The following VAV3 variants were observed in gnomAD, a reference collection of about 807,000 sequenced individuals.
VAV3 encodes guanine nucleotide exchange factor VAV3.
Under a neutral mutation model 131.2 loss-of-function variants are expected in VAV3, and 94 were observed. That is an observed-to-expected ratio of 0.72 (90% CI 0.61 to 0.85). The LOEUF (loss-of-function observed/expected upper bound fraction) is 0.85, where lower values mean the gene tolerates loss of function less well. Among genes scored for constraint, VAV3 ranks in the 40% least tolerant of loss-of-function variants. VAV3 has a pLI of 0.00. For synonymous variants in VAV3, 349 were observed against 342.0 expected (o/e 1.02, Z -0.22); for missense variants, 939 against 1,002.7 (o/e 0.94, Z 0.86).
chr1:107,638,333 A>G (rs1655083701), intron 20 of VAV3, among the ~76,000 whole-genome samples: 1 of 152,214 alleles, frequency 6.6e-6, no homozygotes, highest in Non-Finnish European at 1.5e-5. Flanking sequence ...ACTGAATTTA[A>G]TAAGAGTTAA....
At chr1:107,678,130 T>A (rs1658345966) in intron 19 of VAV3, 1 of 152,204 alleles carries the variant, frequency 6.6e-6, no homozygotes, top group Non-Finnish European at 1.5e-5. Context: ...AAGTCGGCTA[T>A]TTTAAAAACC....
intron 15 of VAV3, among the ~76,000 whole-genome samples, chr1:107,713,379 TA>T (rs1042703991): frequency 4.0e-4 from 61 of 151,480 alleles, no homozygotes; most frequent in Non-Finnish European, 4.9e-4. Flanking sequence ...AAAAAACACA[TA>T]AAAAATTAGA....
chr1:107,611,607 AACAAAC>A (rs1557702301), intron 21 of VAV3, among the ~76,000 whole-genome samples: 1 of 143,448 alleles, frequency 7.0e-6, no homozygotes, highest in African/African-American at 2.5e-5. Flanking sequence ...AAAAAAAAAA[AACAAAC>A]AAACAAACAA....
chr1:107,928,361 C>T (rs1045250662), intron 1 of VAV3, among the ~76,000 whole-genome samples: 3 of 152,190 alleles, frequency 2.0e-5, no homozygotes, highest in African/African-American at 7.2e-5. Flanking sequence ...AGACAAACAT[C>T]CACAAGCACC....
intron 2 of VAV3, among the ~76,000 whole-genome samples, chr1:107,814,950 C>T (rs1453733493): frequency 6.6e-6 from 1 of 152,100 alleles, no homozygotes; most frequent in African/African-American, 2.4e-5. Flanking sequence ...GATTTATAAG[C>T]ATCAATAGAA....
intron 20 of VAV3, among the ~76,000 whole-genome samples, chr1:107,631,361 G>A (rs1158890011): frequency 6.6e-6 from 1 of 151,970 alleles, no homozygotes; most frequent in Non-Finnish European, 1.5e-5. Flanking sequence ...TCCCTACACA[G>A]TACATTTGTA....
chr1:107,655,342 G>T (rs531972408), intron 19 of VAV3, among the ~76,000 whole-genome samples: 1 of 152,154 alleles, frequency 6.6e-6, no homozygotes, highest in South Asian at 2.1e-4. Context: ...AGTCATTTTT[G>T]ATAAAGGCGC....
intron 20 of VAV3, among the ~76,000 whole-genome samples, chr1:107,640,938 A>T (rs537488014): frequency 2.6e-5 from 4 of 152,202 alleles, no homozygotes; most frequent in Non-Finnish European, 5.9e-5. Flanking sequence ...AGGAGTCAAA[A>T]GCCAGCTGAT....
chr1:107,697,240 C>T (rs1205154254), intron 17 of VAV3, among the ~76,000 whole-genome samples: 1 of 152,020 alleles, frequency 6.6e-6, no homozygotes, highest in Admixed American at 6.5e-5. Context: ...ATAAGGGCTA[C>T]CCAGCAAACC....
chr1:107,938,798 G>A (rs1208096973), intron 1 of VAV3, among the ~76,000 whole-genome samples: 1 of 152,148 alleles, frequency 6.6e-6, no homozygotes, highest in Non-Finnish European at 1.5e-5. Context: ...AAGGAATTTT[G>A]GCCTAAAGAT....
chr1:107,586,956 A>G (rs1321144928), intron 25 of VAV3, among the ~76,000 whole-genome samples: 1 of 152,150 alleles, frequency 6.6e-6, no homozygotes, highest in Non-Finnish European at 1.5e-5. Flanking sequence ...TATTGAACAT[A>G]AAGTCCCTTG....
At chr1:107,930,191 T>C (rs1012530414) in intron 1 of VAV3, among the ~76,000 whole-genome samples, 1 of 152,174 alleles carries the variant, frequency 6.6e-6, no homozygotes, top group South Asian at 2.1e-4. Flanking sequence ...CTGGATTGTT[T>C]GTAACACAAA....
intron 14 of VAV3, 68 bp from the exon 15 acceptor site, chr1:107,749,145 A>T: frequency 1.7e-6 from 2 of 1,169,436 alleles, no homozygotes; most frequent in Non-Finnish European, 2.4e-6. Flanking sequence ...TCACAAGAAT[A>T]CCACAACTAT....
intron 1 of VAV3, among the ~76,000 whole-genome samples, chr1:107,896,980 A>C (rs1277338982): frequency 2.6e-5 from 4 of 152,068 alleles, no homozygotes. Flanking sequence ...ACAGCACTCA[A>C]CAGATAGAAG....
intron 1 of VAV3, among the ~76,000 whole-genome samples, chr1:107,881,206 T>C (rs1447358449): frequency 1.3e-5 from 2 of 152,166 alleles, no homozygotes; most frequent in East Asian, 3.8e-4. Context: ...TATCATATAA[T>C]TTAACAAGAA....
At chr1:107,673,495 G>A (rs565718244) in intron 19 of VAV3, 1 of 152,298 alleles carries the variant, frequency 6.6e-6, no homozygotes, top group East Asian at 1.9e-4. Flanking sequence ...CTGGATTCCA[G>A]GTTAGACATC....
At chr1:107,830,638 T>C (rs1223622986) in intron 2 of VAV3, among the ~76,000 whole-genome samples, 1 of 152,080 alleles carries the variant, frequency 6.6e-6, no homozygotes, top group Non-Finnish European at 1.5e-5. Flanking sequence ...TTCTCTGCTG[T>C]GCTGCCTGTC....
intron 4 of VAV3, among the ~76,000 whole-genome samples, chr1:107,776,484 G>C (rs754161853): frequency 6.6e-6 from 1 of 152,196 alleles, no homozygotes; most frequent in Non-Finnish European, 1.5e-5. Context: ...CTTGAACGCT[G>C]AGGGATCAGT....
intron 1 of VAV3, among the ~76,000 whole-genome samples, chr1:107,914,553 G>C (rs1672522181): frequency 6.6e-6 from 1 of 152,202 alleles, no homozygotes; most frequent in Non-Finnish European, 1.5e-5. Context: ...AAAGCAATCC[G>C]TAACCTGTCT....
Sources: allele counts gnomAD v4.1 joint callset (sites outside exome capture counted in the v4.1 genomes callset), GRCh38; gene constraint gnomAD v4.1.1; transcripts MANE v1.5; gene names NCBI Gene and HGNC (gene_info 2026-07-23, HGNC 2026-07-21).